The following CDH2 variants were observed in gnomAD, a reference collection of about 807,000 sequenced individuals.
The protein encoded by CDH2 is cadherin-2.
In CDH2, 17 loss-of-function variants were observed where a neutral mutation model predicts 92.0. The ratio of observed to expected loss-of-function variants is 0.18; its 90% CI spans 0.13 to 0.28. CDH2 has a LOEUF of 0.28. CDH2 is among the 10% of genes least tolerant of loss of function. The pLI is 1.00. For missense variants in CDH2, 862 were observed against 1,133.1 expected, an observed-to-expected ratio of 0.76 and a Z score of 3.44; for synonymous variants, 419 against 415.9, an observed-to-expected ratio of 1.01 and a Z score of -0.09.
At chr18:28,141,173 A>G (rs1406959858) in intron 2 of CDH2, among the ~76,000 whole-genome samples, 2 of 151,876 alleles carry the variant, frequency 1.3e-5, no homozygotes, top group African/African-American at 4.8e-5. Context: ...TTCTACTCCC[A>G]GGTATATACT....
At chr18:28,061,905 C>T (rs1414817279) in intron 2 of CDH2, among the ~76,000 whole-genome samples, 1 of 152,078 alleles carries the variant, frequency 6.6e-6, no homozygotes, top group African/African-American at 2.4e-5. Context: ...CAATTACCTC[C>T]CACCTGGTCC....
intron 4 of CDH2, among the ~76,000 whole-genome samples, chr18:28,010,079 T>A (rs1409168422): frequency 2.6e-5 from 4 of 152,168 alleles, no homozygotes; most frequent in Non-Finnish European, 4.4e-5. Flanking sequence ...CCAGAAAGAC[T>A]GGAGGCAACA....
intron 2 of CDH2, among the ~76,000 whole-genome samples, chr18:28,028,723 T>G (rs2013620519): frequency 6.6e-6 from 1 of 152,130 alleles, no homozygotes. Context: ...AGCTGTACTA[T>G]TCAAGTAAAC....
chr18:28,039,333 CTGAT>C (rs1475722424), intron 2 of CDH2, among the ~76,000 whole-genome samples: 1 of 152,154 alleles, frequency 6.6e-6, no homozygotes, highest in East Asian at 1.9e-4. Context: ...CACAGGAACT[CTGAT>C]TGGCTGGCTG....
At chr18:27,983,666 A>T (rs2012132976) in intron 13 of CDH2, among the ~76,000 whole-genome samples, 1 of 152,196 alleles carries the variant, frequency 6.6e-6, no homozygotes, top group Non-Finnish European at 1.5e-5. Context: ...TCCTTTGAAC[A>T]CTGAAATAAT....
chr18:28,036,613 A>T, intron 2 of CDH2: 1 of 1,120,326 alleles, frequency 8.9e-7, no homozygotes, highest in South Asian at 1.3e-5. Context: ...TAGGTATGTC[A>T]GAATGAAAGC....
Position 28,033,459 on chromosome 18 carries a change from G to A in CDH2, c.173-19550C>T, listed in dbSNP as rs17493898. On this transcript the variant is annotated intron_variant, in intron 2 of 15. Transcript: ENST00000269141. Reference sequence around the variant, plus strand: ...TCTAATTACTGATGCACACGAATTGGTTCACTGAATTTAGGTGCTCTGTGT... The same window carrying A: ...TCTAATTACTGATGCACACGAATTGATTCACTGAATTTAGGTGCTCTGTGT... Among the ~76,000 whole-genome samples the A allele has an allele frequency of 9.0e-3, 1,365 of 152,056 alleles. 19 individuals are homozygous for A. Among genetic ancestry groups the A allele is most frequent in the African/African-American group, 0.03 (1,259 of 41,488 alleles).
At chr18:28,124,870 C>T (rs1257254490) in intron 2 of CDH2, among the ~76,000 whole-genome samples, 2 of 152,180 alleles carry the variant, frequency 1.3e-5, no homozygotes, top group African/African-American at 2.4e-5. Flanking sequence ...ATATGGAGTA[C>T]ATGCTGCCTG....
At chr18:28,115,781 GA>G in intron 2 of CDH2, among the ~76,000 whole-genome samples, 1 of 152,158 alleles carries the variant, frequency 6.6e-6, no homozygotes. Flanking sequence ...AGAACACGTG[GA>G]ATATCCGCAC....
rs901881558 is a variant in CDH2 at position 28,042,767 on chromosome 18, T to C, written c.173-28858A>G. On this transcript the variant is annotated intron_variant, in intron 2 of 15. Coordinates refer to ENST00000269141, the MANE Select transcript of CDH2 (RefSeq NM_001792.5). The stretch of plus-strand genomic sequence containing the variant: ...TAGCATTCCTTCTGTTTGAAGTCTA[T>C]AAATTTAGGATCTCGTCTTTTCCAG... Among the ~76,000 whole-genome samples, 3 of 152,278 alleles carry C rather than the reference T, an allele frequency of 2.0e-5. No individual in the cohort carries two copies. The South Asian group carries it at 6.2e-4, about 32-fold the overall frequency.
chr18:28,036,475 A>G, intron 2 of CDH2: 12 of 1,552,706 alleles, frequency 7.7e-6, no homozygotes, highest in Non-Finnish European at 8.9e-6. Context: ...GTTACCTGAA[A>G]GGAAAACATA....
At chr18:28,016,775 GAAAAA>G in intron 2 of CDH2, among the ~76,000 whole-genome samples, 1 of 152,064 alleles carries the variant, frequency 6.6e-6, no homozygotes, top group East Asian at 1.9e-4. Flanking sequence ...AAAAAGATCT[GAAAAA>G]TGCATACGAA....
At chr18:27,980,899 A>G (rs2012028486) in intron 14 of CDH2, among the ~76,000 whole-genome samples, 1 of 152,184 alleles carries the variant, frequency 6.6e-6, no homozygotes, top group African/African-American at 2.4e-5. Flanking sequence ...AAATCTTACA[A>G]TAGATGAGTT....
chr18:27,948,271 A>T (rs750935565), downstream of CDH2, among the ~76,000 whole-genome samples: 1 of 147,142 alleles, frequency 6.8e-6, no homozygotes, highest in African/African-American at 2.4e-5. Context: ...GTATATGGCA[A>T]AGAATGCATT....
chr18:28,161,302 G>A (rs17495264), intron 1 of CDH2, among the ~76,000 whole-genome samples: 10,955 of 152,042 alleles, frequency 0.072, 1,274 homozygotes, highest in African/African-American at 0.25. Flanking sequence ...AAAGCTGGCC[G>A]GGCACAGTGG....
intron 2 of CDH2, among the ~76,000 whole-genome samples, chr18:28,073,538 T>C (rs1207342972): frequency 1.3e-5 from 2 of 152,184 alleles, no homozygotes; most frequent in Non-Finnish European, 2.9e-5. Context: ...TTTACATCTC[T>C]TAAGGTGGGG....
In CDH2 at chr18:27,963,409, G is replaced by A. The variant is rs768097198; in HGVS notation, c.2462C>T (p.Pro821Leu). The A allele has an allele frequency of 5.0e-6, 8 of 1,613,892 alleles. No homozygotes were observed. The highest frequency in any genetic ancestry group is 1.3e-5 in the African/African-American group (1 of 74,882). ...ERPIHAEPQY[P>L]VRSAAPHPGD... Reference sequence around the variant, plus strand: ...AGGGTGTGGGGCTGCAGATCGGACCGGATACTGGGGCTCGGCGTGGATGGG... The same window carrying A: ...AGGGTGTGGGGCTGCAGATCGGACCAGATACTGGGGCTCGGCGTGGATGGG... The change falls in exon 15 of 16, where the codon CCG (proline) becomes CTG (leucine). Residue 821 changes from proline (P) to leucine (L), a missense_variant. Pro to Leu is a moderately conservative substitution (Grantham distance 98, BLOSUM62 -3). Around this residue, in one of 5 missense-constraint regions of CDH2, gnomAD observed 114 missense variants for 144.8 expected, o/e 0.79. Transcript: ENST00000269141.
chr18:27,975,892 G>T (rs1485915735), intron 14 of CDH2, among the ~76,000 whole-genome samples: 1 of 152,104 alleles, frequency 6.6e-6, no homozygotes, highest in African/African-American at 2.4e-5. Flanking sequence ...GGAAGGGCAG[G>T]TCGCTCTCCC....
At chr18:28,037,477 A>G (rs532623335) in intron 2 of CDH2, among the ~76,000 whole-genome samples, 4 of 152,308 alleles carry the variant, frequency 2.6e-5, no homozygotes, top group South Asian at 2.1e-4. Flanking sequence ...ATACAGCATA[A>G]GAATATTGTG....
Sources: allele counts gnomAD v4.1 joint callset (sites outside exome capture counted in the v4.1 genomes callset), GRCh38; gene constraint gnomAD v4.1.1; regional missense constraint gnomAD v4.1.1; transcripts MANE v1.5; gene names NCBI Gene and HGNC (gene_info 2026-07-23, HGNC 2026-07-21).